The following DDX3X variants were observed in gnomAD, a reference collection of about 807,000 sequenced individuals.
DDX3X encodes the protein DEAD-box helicase 3 X-linked.
A neutral mutation model predicts 52.7 loss-of-function variants in DDX3X; 4 were observed. The ratio of observed to expected loss-of-function variants is 0.08; its 90% confidence interval spans 0.04 to 0.17. DDX3X has a LOEUF of 0.17. DDX3X is among the 10% of genes least tolerant of loss of function. DDX3X has a pLI of 1.00. For synonymous variants in DDX3X, 192 were observed against 178.1 expected (o/e 1.08, Z -0.62); for missense variants, 222 against 548.6 (o/e 0.40, Z 5.95).
chrX:41,359,667 G>A (rs1171328190), intron 5 of DDX3X, among the ~76,000 whole-genome samples: 1 of 104,776 alleles, frequency 9.5e-6, no homozygotes, highest in Non-Finnish European at 1.9e-5. Flanking sequence ...CAAATGAAAC[G>A]TTAAAGCTAT....
intron 2 of DDX3X, 160 bp downstream of exon 2, chrX:41,337,625 A>G (rs920675536): frequency 2.6e-6 from 1 of 392,010 alleles, no homozygotes; most frequent in African/African-American, 2.9e-5. Flanking sequence ...TTAGTGATCA[A>G]TCTAAAGCAT....
downstream of DDX3X, among the ~76,000 whole-genome samples, chrX:41,353,297 C>CAAA (rs61067509): frequency 0.016 from 748 of 45,966 alleles, 24 homozygotes; most frequent in Admixed American, 0.1. Context: ...ACTAAAAATA[C>CAAA]AAAAAAAAAA....
At chrX:41,360,205 C>T (rs1169880862) in intron 5 of DDX3X, among the ~76,000 whole-genome samples, 1 of 104,198 alleles carries the variant, frequency 9.6e-6, no homozygotes, top group Non-Finnish European at 2.0e-5. Flanking sequence ...TGGTGAAACC[C>T]CGTCTCTACT....
rs962482657 is a variant in DDX3X, at chrX:41,347,846, A to AT, written c.*137dup. The AT allele has an allele frequency of 4.0e-3, 1,617 of 408,592 alleles. No homozygotes were observed. The highest frequency in any genetic ancestry group is 5.5e-3 in the South Asian group (115 of 21,023). The allele number at this position is 408,592 out of a possible 1,213,427, so 33.7% of individuals were successfully genotyped here. A position where few individuals can be genotyped will look rare whatever the true frequency, so the allele number is the denominator to read the frequency against. On this transcript the variant is annotated 3_prime_UTR_variant, in exon 17 of 17. Coordinates refer to ENST00000644876, the MANE Select transcript of DDX3X (RefSeq NM_001356.5). ...TTACCAGCTGTGATTCTCCACTGAA[A>AT]TTTTTTTTTTAAGGGAGCTCAAGGT...
chrX:41,354,374 C>G (rs982422726), downstream of DDX3X, among the ~76,000 whole-genome samples: 1 of 47,335 alleles, frequency 2.1e-5, no homozygotes, highest in Non-Finnish European at 3.6e-5. Context: ...GACAGGGTTG[C>G]GCAGGCTGGT....
rs6610546 is a variant in DDX3X at position 41,343,020 on chromosome X, A to G, written c.543+184A>G. On this transcript the variant is annotated intron_variant, in intron 6 of 16. Coordinates refer to ENST00000644876, the MANE Select transcript of DDX3X (RefSeq NM_001356.5). Reference sequence around the variant, plus strand: ...TATTACCTAAAATAGAAAATGGGTCAAACATAGGAACAACCCAAAGTCTTC... The same window carrying G: ...TATTACCTAAAATAGAAAATGGGTCGAACATAGGAACAACCCAAAGTCTTC... 0.25 allele frequency: 149,784 copies of G among 588,397 alleles called. 14,489 individuals are homozygous for G. Among genetic ancestry groups the G allele is most frequent in the South Asian group, 0.45 (14,261 of 31,525 alleles). The allele number at this position is 588,397 out of a possible 1,213,427, so 48.5% of individuals were successfully genotyped here.
chrX:41,343,263 T>G lies in DDX3X; in HGVS notation c.591T>G (p.Leu197=). The part of the protein sequence containing the change: ...MGEIIMGNIE[L]TRYTRPTPVQ... The stretch of plus-strand genomic sequence containing the variant: ...AAATTATCATGGGAAACATTGAGCT[T>G]ACTCGTTATACTCGCCCAACTCCAG... The change falls in exon 7 of 17, where the codon CTT becomes CTG. Residue 197 remains leucine, a synonymous_variant. Coordinates refer to ENST00000644876, the MANE Select transcript of DDX3X (RefSeq NM_001356.5). The G allele has an allele frequency of 8.3e-7, 1 of 1,205,168 alleles. No individual in the cohort carries two copies. Among genetic ancestry groups the G allele is most frequent in the East Asian group, 3.0e-5 (1 of 33,787 alleles).
intron 5 of DDX3X, chrX:41,364,267 C>G (rs1164796400): frequency 3.4e-6 from 1 of 295,336 alleles, no homozygotes; most frequent in African/African-American, 2.7e-5. Context: ...TCTTTTTTCT[C>G]TCCTAGAACT....
At chrX:41,351,444 T>G (rs1397607925), downstream of DDX3X, 1 of 111,723 alleles carries the variant, frequency 9.0e-6, no homozygotes, top group African/African-American at 3.3e-5. Flanking sequence ...CTAACCTTCA[T>G]GCTTAAAATG....
At chrX:41,343,589 G>A in intron 7 of DDX3X, 148 bp from the exon 8 acceptor site, 2 of 556,510 alleles carry the variant, frequency 3.6e-6, no homozygotes, top group Non-Finnish European at 5.6e-6. Flanking sequence ...ACTCCTCTTA[G>A]AGGTGGAGCA....
rs1302504045 is a variant in DDX3X, at chrX:41,359,555, C to T, written c.655-4719C>T. Among the ~76,000 whole-genome samples, 5 of 101,663 alleles carry T rather than the reference C, an allele frequency of 4.9e-5. No homozygotes were observed. The Admixed American group carries it at 5.5e-4, about 11-fold the overall frequency. 88.3% of individuals were successfully genotyped at this position (101,663 alleles called of 115,157 possible). ...GAGGTTGCAGTGAGCCAAGATGGTG[C>T]CACTGCACTTCAGCCTGGGCAACAG... On this transcript the variant is annotated intron_variant, in intron 5 of 5. Transcript: ENST00000616050.
At chrX:41,351,053 G>C (rs2063981763), downstream of DDX3X, 2 of 111,709 alleles carry the variant, frequency 1.8e-5, no homozygotes, top group Non-Finnish European at 3.8e-5. Context: ...GTATTTTGAA[G>C]ATAGAAAAGA....
chrX:41,351,754 A>G (rs747815104), downstream of DDX3X: 1 of 111,554 alleles, frequency 9.0e-6, no homozygotes, highest in Middle Eastern at 4.2e-3. Context: ...GCTGTCCTCT[A>G]TAATGACTAC....
chrX:41,351,215 A>G (rs2063983435), downstream of DDX3X: 3 of 111,927 alleles, frequency 2.7e-5, no homozygotes, highest in South Asian at 1.1e-3. Context: ...AGTGAACATG[A>G]CAATCTGCTC....
intron 4 of DDX3X, chrX:41,342,070 A>C (rs1164978208): frequency 6.5e-6 from 1 of 153,234 alleles, no homozygotes; most frequent in African/African-American, 3.2e-5. Context: ...TCTACCTTTT[A>C]TCCAAAGTCT....
Position 41,348,321 on chromosome X carries a change from T to G in DDX3X, c.*602T>G. 1 of 117,202 alleles carries G rather than the reference T, an allele frequency of 8.5e-6. No individual in the cohort carries two copies. 9.7% of individuals were successfully genotyped at this position (117,202 alleles called of 1,213,427 possible). A position where few individuals can be genotyped will look rare whatever the true frequency, so the allele number is the denominator to read the frequency against. ...TTCTAATGTGGCAAACTGTATTAAG[T>G]TAAAGTTCTGATTTGCTCACTCTAT... On this transcript the variant is annotated 3_prime_UTR_variant, in exon 17 of 17. Transcript: ENST00000644876.
At chrX:41,352,620 T>A (rs2063993393), downstream of DDX3X, among the ~76,000 whole-genome samples, 1 of 111,448 alleles carries the variant, frequency 9.0e-6, no homozygotes, top group Non-Finnish European at 1.9e-5. Context: ...TAATTTAGAT[T>A]AGTCTTTCCT....
chrX:41,336,410 T>A (rs911658025), intron 1 of DDX3X: 1 of 112,051 alleles, frequency 8.9e-6, no homozygotes, highest in South Asian at 3.7e-4. Context: ...TCCTACTCTT[T>A]AAGAGCATTG....
intron 5 of DDX3X, among the ~76,000 whole-genome samples, chrX:41,356,459 T>TC (rs1299453402): frequency 1.1e-5 from 1 of 88,207 alleles, no homozygotes; most frequent in African/African-American, 4.3e-5. Flanking sequence ...TATTTCTTTT[T>TC]TTTTTTTTTT....
Sources: gnomAD v4.1 joint callset for allele counts (sites outside exome capture counted in the v4.1 genomes callset) on GRCh38, gnomAD v4.1.1 for gene constraint, MANE v1.5 for transcripts, NCBI Gene and HGNC (gene_info 2026-07-23, HGNC 2026-07-21) for gene names.